JCAD: variants seen among roughly 807,000 people sequenced by gnomAD.
JCAD encodes junctional cadherin 5 associated.
Under a neutral mutation model 98.0 loss-of-function variants are expected in JCAD, and 40 were observed. The ratio of observed to expected loss-of-function variants is 0.41; its 90% CI spans 0.32 to 0.53. JCAD has a LOEUF of 0.53. Among genes scored for constraint, JCAD ranks in the 20% least tolerant of loss-of-function variants. The pLI is 0.31. For missense variants in JCAD, 1,705 were observed against 1,738.1 expected (o/e 0.98, Z 0.34); for synonymous variants, 691 against 682.3 (o/e 1.01, Z -0.20).
chr10:30,037,587 A>G (rs535754016), intron 2 of JCAD, among the ~76,000 whole-genome samples: 2 of 152,312 alleles, frequency 1.3e-5, no homozygotes, highest in African/African-American at 4.8e-5. Context: ...GGCAGTGCAG[A>G]TTCAGTTAAA....
At chr10:30,022,184 T>C (rs894639209) in intron 3 of JCAD, among the ~76,000 whole-genome samples, 2 of 152,136 alleles carry the variant, frequency 1.3e-5, no homozygotes, top group Admixed American at 6.6e-5. Flanking sequence ...ACTAAAGACA[T>C]GTGAGCTGAA....
chr10:30,109,688 A>G (rs558918121), intron 1 of JCAD, among the ~76,000 whole-genome samples: 1 of 152,236 alleles, frequency 6.6e-6, no homozygotes, highest in African/African-American at 2.4e-5. Context: ...GGATACTATG[A>G]TTTGCCATGG....
chr10:30,093,058 C>T (rs1218288133), intron 1 of JCAD, among the ~76,000 whole-genome samples: 2 of 151,900 alleles, frequency 1.3e-5, no homozygotes, highest in South Asian at 4.1e-4. Context: ...ATGGATTTAC[C>T]ACAATAAACA....
At chr10:30,081,933 G>A in intron 1 of JCAD, among the ~76,000 whole-genome samples, 1 of 152,166 alleles carries the variant, frequency 6.6e-6, no homozygotes, top group Non-Finnish European at 1.5e-5. Context: ...TAATTCTGTT[G>A]CACTAAGAAC....
Position 30,047,730 on chromosome 10 carries a change from T to C in JCAD, c.83A>G (p.Lys28Arg), listed in dbSNP as rs1482450153. Residue 28 changes from lysine (K) to arginine (R), a missense_variant, in exon 2 of 4, where the codon AAG (lysine) becomes AGG (arginine). By Grantham distance (26) the Lys-to-Arg change is conservative. Transcript: ENST00000375377. ...CCCAGTCCTCGCTGCCTGGCGCCCC[T>C]TGGGGTTATCCTCGCGTGATGCTGG... ...DPPASREDNP[K>R]GRQAARTGTR... 2 of 1,614,072 alleles carry C rather than the reference T, an allele frequency of 1.2e-6. No homozygotes were observed. The highest frequency in any genetic ancestry group is 2.7e-5 in the African/African-American group (2 of 74,936).
intron 2 of JCAD, among the ~76,000 whole-genome samples, chr10:30,041,545 T>G (rs1044012781): frequency 6.6e-6 from 1 of 152,186 alleles, no homozygotes; most frequent in Non-Finnish European, 1.5e-5. Flanking sequence ...CTAGAATGGA[T>G]GTTTACTGAT....
At chr10:30,054,633 T>C (rs1837530776) in intron 1 of JCAD, among the ~76,000 whole-genome samples, 1 of 151,960 alleles carries the variant, frequency 6.6e-6, no homozygotes, top group Admixed American at 6.5e-5. Flanking sequence ...AAAAAAACTT[T>C]CATAAATGAA....
chr10:30,085,263 G>A lies in JCAD; in HGVS notation n.129-15442C>T, dbSNP rs535482223. Among the ~76,000 whole-genome samples the A allele has an allele frequency of 1.8e-4, 28 of 152,148 alleles. No individual in the cohort carries two copies. In the South Asian group the frequency reaches 4.6e-3, roughly 25 times the overall value. ...GACATCAGGGGAAAAGCAGGCTTAC[G>A]TAAAATGATTTTGTGACCTTGAATT... On this transcript the variant is annotated intron_variant and non_coding_transcript_variant, in intron 1 of 2. Coordinates refer to the JCAD transcript ENST00000465712.
intron 1 of JCAD, among the ~76,000 whole-genome samples, chr10:30,050,731 T>C (rs1277242903): frequency 1.3e-5 from 2 of 152,194 alleles, no homozygotes; most frequent in African/African-American, 4.8e-5. Context: ...CAAGAATATC[T>C]TTCAATCGTA....
Position 30,017,920 on chromosome 10 carries a change from G to A in JCAD, c.4046-3C>T. ...CACTCTGCTAGGGTCATAGGAATCT[G>A]TAAAATAAGAAAAGAAAAGAAAATT... On this transcript the variant is annotated splice_region_variant and splice_polypyrimidine_tract_variant and intron_variant, in intron 3 of 3. Coordinates refer to ENST00000375377, the MANE Select transcript of JCAD (RefSeq NM_020848.4). 4 of 1,609,036 alleles carry A rather than the reference G, an allele frequency of 2.5e-6. No homozygotes were observed. The highest frequency in any genetic ancestry group is 3.4e-6 in the Non-Finnish European group (4 of 1,177,016).
At chr10:30,051,455 C>A (rs764279242) in intron 1 of JCAD, among the ~76,000 whole-genome samples, 1 of 152,056 alleles carries the variant, frequency 6.6e-6, no homozygotes, top group Non-Finnish European at 1.5e-5. Context: ...GAGTTTTGAG[C>A]TTTTCATAAA....
At chr10:30,043,468 C>A (rs552700862) in intron 2 of JCAD, among the ~76,000 whole-genome samples, 1 of 152,266 alleles carries the variant, frequency 6.6e-6, no homozygotes, top group South Asian at 2.1e-4. Context: ...TCCAGCTAAG[C>A]CCCAGATGAT....
chr10:30,034,817 T>C (rs1458979217), intron 2 of JCAD, among the ~76,000 whole-genome samples: 2 of 152,198 alleles, frequency 1.3e-5, no homozygotes, highest in Non-Finnish European at 2.9e-5. Flanking sequence ...AACTACCATG[T>C]AATAAGGCAT....
Position 30,027,491 on chromosome 10 carries a change from G to A in JCAD, c.2657C>T (p.Pro886Leu), listed in dbSNP as rs1421555155. The stretch of plus-strand genomic sequence containing the variant: ...CGGCTGTGGCTCAACCCTCATTTCC[G>A]GGCTGTTTCCGCGGAAGCCCACATC... ...QEDVGFRGNS[P>L]EMRVEPQPRM... Residue 886 changes from proline (P) to leucine (L), a missense_variant, in exon 3 of 4, where the codon CCG (proline) becomes CTG (leucine). By Grantham distance (98) the Pro-to-Leu change is moderately conservative. This residue lies in a region of JCAD where 1,278 missense variants were observed against 1,243.1 expected (regional missense o/e 1.03). Coordinates refer to ENST00000375377, the MANE Select transcript of JCAD (RefSeq NM_020848.4). 1 of 1,608,226 alleles carries A rather than the reference G, an allele frequency of 6.2e-7. No individual in the cohort carries two copies. Among genetic ancestry groups the A allele is most frequent in the South Asian group, 1.1e-5 (1 of 91,064 alleles).
At chr10:30,100,907 G>A (rs7072215) in intron 1 of JCAD, among the ~76,000 whole-genome samples, 10,196 of 152,248 alleles carry the variant, frequency 0.067, 887 homozygotes, top group African/African-American at 0.21. Context: ...TTCAGCCAGA[G>A]AAGTGGGATA....
intron 1 of JCAD, among the ~76,000 whole-genome samples, chr10:30,082,869 A>C (rs12355967): frequency 0.091 from 13,092 of 144,636 alleles, 721 homozygotes; most frequent in African/African-American, 0.13. Flanking sequence ...AAAAAAAAAA[A>C]AAAAAAAACA....
At position 30,028,144 on chromosome 10, in the gene JCAD, G is replaced by C; in HGVS notation, c.2004C>G (p.His668Gln). The C allele has an allele frequency of 6.2e-7, 1 of 1,614,006 alleles. No homozygotes were observed. Residue 668 changes from histidine to glutamine, a missense_variant, in exon 3 of 4, where the codon CAC becomes CAG. This residue lies in a region of JCAD where 1,278 missense variants were observed against 1,243.1 expected (regional missense o/e 1.03). Transcript: ENST00000375377. The part of the protein sequence containing the change: ...DRQTNDLSFI[H>Q]LTKHRELKHS... ...GCTTGAGTTCTCTGTGCTTTGTAAG[G>C]TGGATGAAACTGAGGTCATTTGTTT...
At chr10:30,079,587 G>GTC (rs1838044048) in intron 1 of JCAD, among the ~76,000 whole-genome samples, 1 of 152,148 alleles carries the variant, frequency 6.6e-6, no homozygotes, top group Non-Finnish European at 1.5e-5. Flanking sequence ...CCTGGTCATG[G>GTC]ATTGGCTGCC....
chr10:30,064,221 C>T (rs758827619), upstream of JCAD, among the ~76,000 whole-genome samples: 28 of 151,738 alleles, frequency 1.8e-4, no homozygotes, highest in Admixed American at 9.8e-4. Context: ...GTTATCATGG[C>T]GGGGAACTGG....
Sources: gnomAD v4.1 joint callset for allele counts (sites outside exome capture counted in the v4.1 genomes callset) on GRCh38, gnomAD v4.1.1 for gene constraint, gnomAD v4.1.1 regional missense constraint, MANE v1.5 for transcripts, NCBI Gene and HGNC (gene_info 2026-07-23, HGNC 2026-07-21) for gene names.